The following CNTNAP2 variants were observed in gnomAD, a reference collection of about 807,000 sequenced individuals.
CNTNAP2 encodes contactin-associated protein-like 2.
CNTNAP2 carries 98 observed loss-of-function variants against 155.2 expected under a neutral mutation model. The ratio of observed to expected loss-of-function variants is 0.63; its 90% CI spans 0.54 to 0.75. CNTNAP2 has a LOEUF of 0.75. Among genes scored for constraint, CNTNAP2 ranks in the 30% least tolerant of loss-of-function variants. The pLI is 0.00. For synonymous variants in CNTNAP2, 651 were observed against 631.2 expected, an observed-to-expected ratio of 1.03 and a Z score of -0.47; for missense variants, 1,727 against 1,688.1, an observed-to-expected ratio of 1.02 and a Z score of -0.40.
At chr7:147,415,613 A>G (rs141271587) in intron 10 of CNTNAP2, among the ~76,000 whole-genome samples, 3 of 152,252 alleles carry the variant, frequency 2.0e-5, no homozygotes, top group African/African-American at 4.8e-5. Context: ...CTGTGAGTCA[A>G]TTACACCTCT....
In CNTNAP2 at chr7:147,548,427, T is replaced by C. The variant is rs143164652; in HGVS notation, c.1778-13711T>C. ...TTCTTTTGAAAAGTGTCTGTTCATA[T>C]TATTTGCCCACTTTTTGATGGGGTT... On this transcript the variant is annotated intron_variant, in intron 11 of 23. Transcript: ENST00000361727. 3.9e-5 allele frequency among the ~76,000 whole-genome samples: 6 copies of C among 152,286 alleles called. No homozygotes were observed. In the South Asian group the frequency reaches 1.2e-3, roughly 32 times the overall value.
chr7:147,265,432 C>A (rs762788927), intron 8 of CNTNAP2, among the ~76,000 whole-genome samples: 6 of 152,146 alleles, frequency 3.9e-5, no homozygotes, highest in Non-Finnish European at 7.3e-5. Flanking sequence ...CTGACCCATC[C>A]CTCCTCACTG....
At chr7:147,899,230 C>T (rs192084270) in intron 13 of CNTNAP2, among the ~76,000 whole-genome samples, 4 of 152,252 alleles carry the variant, frequency 2.6e-5, no homozygotes, top group African/African-American at 9.6e-5. Context: ...GTTCCAGCTA[C>T]TCAGGAGGCT....
intron 1 of CNTNAP2, among the ~76,000 whole-genome samples, chr7:146,221,426 A>G (rs1254633786): frequency 1.3e-5 from 2 of 152,194 alleles, no homozygotes; most frequent in African/African-American, 4.8e-5. Flanking sequence ...ATACTGAAGG[A>G]TATACTGAAT....
chr7:147,544,091 A>G (rs1045613299), intron 11 of CNTNAP2, among the ~76,000 whole-genome samples: 3 of 152,222 alleles, frequency 2.0e-5, no homozygotes, highest in Non-Finnish European at 4.4e-5. Context: ...ACAGAAGACT[A>G]CATGTACAAA....
chr7:146,404,628 G>T (rs796954198), intron 1 of CNTNAP2, among the ~76,000 whole-genome samples: 15 of 152,102 alleles, frequency 9.9e-5, no homozygotes, highest in African/African-American at 3.4e-4. Context: ...AACCATTCTG[G>T]AGTAACTACA....
intron 15 of CNTNAP2, among the ~76,000 whole-genome samples, chr7:148,032,146 A>G (rs1480356486): frequency 6.6e-6 from 1 of 152,136 alleles, no homozygotes; most frequent in Non-Finnish European, 1.5e-5. Context: ...CAATGGGGGA[A>G]ATCCGCCTGG....
At chr7:147,101,096 A>C (rs1212794388) in intron 4 of CNTNAP2, among the ~76,000 whole-genome samples, 1 of 152,142 alleles carries the variant, frequency 6.6e-6, no homozygotes. Context: ...GTGCTATGTG[A>C]AGTTTGCGAG....
intron 16 of CNTNAP2, among the ~76,000 whole-genome samples, chr7:148,137,532 C>A (rs764618211): frequency 6.6e-6 from 1 of 152,064 alleles, no homozygotes; most frequent in Non-Finnish European, 1.5e-5. Context: ...TGTGGTGGCG[C>A]GTGCCTGCGG....
At chr7:147,546,093 C>T (rs1799724880) in intron 11 of CNTNAP2, among the ~76,000 whole-genome samples, 1 of 152,166 alleles carries the variant, frequency 6.6e-6, no homozygotes, top group Non-Finnish European at 1.5e-5. Flanking sequence ...TCAGGTATAT[C>T]TTTATTAACA....
At chr7:147,383,867 C>T (rs1182244998) in intron 9 of CNTNAP2, among the ~76,000 whole-genome samples, 1 of 151,948 alleles carries the variant, frequency 6.6e-6, no homozygotes, top group East Asian at 1.9e-4. Context: ...AGTGCATACA[C>T]ACAAACACAG....
intron 22 of CNTNAP2, 56 bp downstream of exon 22, chr7:148,383,944 T>C: frequency 1.3e-6 from 2 of 1,570,744 alleles, no homozygotes; most frequent in South Asian, 2.3e-5. Flanking sequence ...CCTCAGTCTC[T>C]TGGGACTATG....
intron 9 of CNTNAP2, among the ~76,000 whole-genome samples, chr7:147,342,553 C>T (rs1795782810): frequency 6.6e-6 from 1 of 152,132 alleles, no homozygotes; most frequent in African/African-American, 2.4e-5. Context: ...AAAGAAGATT[C>T]TATACTTATA....
intron 1 of CNTNAP2, among the ~76,000 whole-genome samples, chr7:146,547,382 TA>T (rs1469947218): frequency 6.6e-6 from 1 of 151,942 alleles, no homozygotes; most frequent in Admixed American, 6.6e-5. Flanking sequence ...TCTATCCTCT[TA>T]AATGTTTAAA....
intron 12 of CNTNAP2, among the ~76,000 whole-genome samples, chr7:147,606,475 A>C (rs540841399): frequency 6.4e-4 from 98 of 152,352 alleles, no homozygotes; most frequent in African/African-American, 2.1e-3. Context: ...TAAGCATTAA[A>C]CTATCTATGT....
Position 147,537,481 on chromosome 7 carries a change from A to G in CNTNAP2, c.1778-24657A>G, listed in dbSNP as rs559436268. ...AAAGTAAAGTACCTATTCTCAATGT[A>G]AATGTGGTATTGGCTACTATCAAAT... On this transcript the variant is annotated intron_variant, in intron 11 of 23. Transcript: ENST00000361727. Among the ~76,000 whole-genome samples, 15 of 152,292 alleles carry G rather than the reference A, an allele frequency of 9.8e-5. No individual in the cohort carries two copies. The South Asian group carries it at 3.1e-3, about 32-fold the overall frequency.
intron 8 of CNTNAP2, among the ~76,000 whole-genome samples, chr7:147,201,864 A>G (rs1204470540): frequency 6.6e-6 from 1 of 152,190 alleles, no homozygotes; most frequent in Non-Finnish European, 1.5e-5. Context: ...AGCATTGTAC[A>G]TTAAAGTAAT....
intron 13 of CNTNAP2, among the ~76,000 whole-genome samples, chr7:147,762,474 A>AATT (rs1797317915): frequency 6.6e-6 from 1 of 152,028 alleles, no homozygotes; most frequent in Non-Finnish European, 1.5e-5. Context: ...CTGCGGAGGC[A>AATT]ATTAGATGCA....
chr7:146,306,863 C>T (rs1341499696), intron 1 of CNTNAP2, among the ~76,000 whole-genome samples: 2 of 152,152 alleles, frequency 1.3e-5, no homozygotes, highest in African/African-American at 4.8e-5. Context: ...GACAAACCCA[C>T]AGCCAATATC....
Sources: allele counts gnomAD v4.1 joint callset (sites outside exome capture counted in the v4.1 genomes callset), GRCh38; gene constraint gnomAD v4.1.1; transcripts MANE v1.5; gene names NCBI Gene and HGNC (gene_info 2026-07-23, HGNC 2026-07-21).